The following GPM6A variants were observed in gnomAD, a reference collection of about 807,000 sequenced individuals.
The protein encoded by GPM6A is glycoprotein M6A.
GPM6A carries 7 observed loss-of-function variants against 32.1 expected under a neutral mutation model. The ratio of observed to expected loss-of-function variants is 0.22; its 90% CI spans 0.12 to 0.41. The LOEUF is 0.41. GPM6A is among the 10% of genes least tolerant of loss of function. The pLI is 1.00. For synonymous variants in GPM6A, 130 were observed against 123.4 expected (o/e 1.05, Z -0.35); for missense variants, 235 against 347.2 (o/e 0.68, Z 2.57).
intron 3 of GPM6A, among the ~76,000 whole-genome samples, chr4:175,656,300 C>A (rs1375566403): frequency 6.6e-6 from 1 of 152,002 alleles, no homozygotes; most frequent in Non-Finnish European, 1.5e-5. Flanking sequence ...ATTCCATTAT[C>A]CCATAATCAT....
At chr4:175,817,717 C>T (rs1735151765) in intron 1 of GPM6A, among the ~76,000 whole-genome samples, 1 of 152,094 alleles carries the variant, frequency 6.6e-6, no homozygotes, top group African/African-American at 2.4e-5. Flanking sequence ...TACATGAAGG[C>T]CTATGGAGGG....
At chr4:175,926,904 G>A (rs1738859064) in intron 1 of GPM6A, among the ~76,000 whole-genome samples, 2 of 152,090 alleles carry the variant, frequency 1.3e-5, no homozygotes, top group African/African-American at 4.8e-5. Context: ...ATATGCAGAA[G>A]CTTATTTAGT....
intron 1 of GPM6A, among the ~76,000 whole-genome samples, chr4:175,983,073 G>A (rs967418405): frequency 1.3e-5 from 2 of 152,014 alleles, no homozygotes; most frequent in African/African-American, 2.4e-5. Flanking sequence ...TGCATCCCTG[G>A]TATCAAGTTA....
At chr4:175,670,107 C>G (rs1403359513) in intron 3 of GPM6A, among the ~76,000 whole-genome samples, 1 of 152,132 alleles carries the variant, frequency 6.6e-6, no homozygotes, top group Non-Finnish European at 1.5e-5. Context: ...CTTTATAGCA[C>G]TTTGTTGTGG....
At chr4:175,957,609 T>C (rs1220706649) in intron 1 of GPM6A, among the ~76,000 whole-genome samples, 1 of 152,108 alleles carries the variant, frequency 6.6e-6, no homozygotes, top group Non-Finnish European at 1.5e-5. Context: ...AAATACGTAA[T>C]GTAGATGACC....
intron 1 of GPM6A, among the ~76,000 whole-genome samples, chr4:175,915,872 A>T (rs1738477536): frequency 6.6e-6 from 1 of 152,196 alleles, no homozygotes; most frequent in Admixed American, 6.5e-5. Flanking sequence ...TTGTTTGTGC[A>T]TCTCCAAATG....
At chr4:175,868,138 C>T (rs976251703) in intron 1 of GPM6A, among the ~76,000 whole-genome samples, 11 of 152,142 alleles carry the variant, frequency 7.2e-5, no homozygotes, top group Non-Finnish European at 1.0e-4. Flanking sequence ...TTTTCTTATC[C>T]TCATGAGTCT....
intron 3 of GPM6A, among the ~76,000 whole-genome samples, chr4:175,655,994 A>T (rs545901341): frequency 1.3e-5 from 2 of 152,188 alleles, no homozygotes; most frequent in South Asian, 2.1e-4. Flanking sequence ...TTTCTGTCCC[A>T]TTTGGTATTT....
chr4:175,767,535 A>G (rs138434245), intron 1 of GPM6A, among the ~76,000 whole-genome samples: 2,514 of 152,342 alleles, frequency 0.017, 44 homozygotes, highest in South Asian at 0.026. Context: ...AGCATGTTTT[A>G]GAAAACAGAT....
chr4:175,670,527 C>G (rs1742996570), intron 3 of GPM6A, among the ~76,000 whole-genome samples: 1 of 152,074 alleles, frequency 6.6e-6, no homozygotes, highest in African/African-American at 2.4e-5. Flanking sequence ...TCAATGTAGT[C>G]AATAACATGT....
intron 1 of GPM6A, among the ~76,000 whole-genome samples, chr4:175,900,658 T>C (rs1425501570): frequency 6.6e-6 from 1 of 152,168 alleles, no homozygotes; most frequent in African/African-American, 2.4e-5. Context: ...AGGGAGCCCT[T>C]GTACACTGTT....
At chr4:175,948,660 G>A (rs780142355) in intron 1 of GPM6A, among the ~76,000 whole-genome samples, 2 of 152,112 alleles carry the variant, frequency 1.3e-5, no homozygotes, top group African/African-American at 4.8e-5. Flanking sequence ...TATATCATAT[G>A]GGTTAATACA....
chr4:175,900,573 A>C (rs2111490229), intron 1 of GPM6A, among the ~76,000 whole-genome samples: 2 of 152,120 alleles, frequency 1.3e-5, no homozygotes, highest in East Asian at 3.9e-4. Context: ...GCAATGAGAT[A>C]TCATCTCACC....
At chr4:175,956,697 CTCTAAT>C (rs1227095623) in intron 1 of GPM6A, among the ~76,000 whole-genome samples, 5 of 151,098 alleles carry the variant, frequency 3.3e-5, no homozygotes, top group African/African-American at 1.2e-4. Flanking sequence ...TTAATCCCTC[CTCTAAT>C]TCTAATTTGT....
chr4:175,766,780 G>T (rs778348321), intron 1 of GPM6A, among the ~76,000 whole-genome samples: 1 of 150,554 alleles, frequency 6.6e-6, no homozygotes, highest in Admixed American at 6.7e-5. Flanking sequence ...TCATCCTCCC[G>T]AGTAGCTGGA....
At chr4:175,674,613 T>C (rs930910274) in intron 2 of GPM6A, among the ~76,000 whole-genome samples, 1 of 152,254 alleles carries the variant, frequency 6.6e-6, no homozygotes, top group African/African-American at 2.4e-5. Flanking sequence ...AATGATGCAG[T>C]AGTTTTACAT....
intron 1 of GPM6A, among the ~76,000 whole-genome samples, chr4:175,837,317 C>G (rs189804138): frequency 6.6e-6 from 1 of 152,268 alleles, no homozygotes; most frequent in East Asian, 1.9e-4. Flanking sequence ...TCCTTTCAGA[C>G]CTCTGACCAC....
chr4:175,949,161 T>TATC (rs1739716496), intron 1 of GPM6A, among the ~76,000 whole-genome samples: 1 of 152,208 alleles, frequency 6.6e-6, no homozygotes, highest in Non-Finnish European at 1.5e-5. Context: ...CAAAAGGAGT[T>TATC]ATCCATGGGT....
At chr4:175,636,483 C>T (rs923689347) in intron 6 of GPM6A, among the ~76,000 whole-genome samples, 10 of 150,764 alleles carry the variant, frequency 6.6e-5, no homozygotes, top group African/African-American at 2.2e-4. Flanking sequence ...AAAATGTGGC[C>T]CCCAAATTAT....
Sources: allele counts gnomAD v4.1 joint callset (sites outside exome capture counted in the v4.1 genomes callset), GRCh38; gene constraint gnomAD v4.1.1; transcripts MANE v1.5; gene names NCBI Gene and HGNC (gene_info 2026-07-23, HGNC 2026-07-21).